The following BTRC variants were observed in gnomAD, a reference collection of about 807,000 sequenced individuals.
BTRC encodes the protein F-box/WD repeat-containing protein 1A.
In BTRC, 42 loss-of-function variants were observed where a neutral mutation model predicts 85.5. The observed-to-expected ratio is 0.49, with a 90% CI of 0.38 to 0.64. The LOEUF (loss-of-function observed/expected upper bound fraction) is 0.64. BTRC is among the 30% of genes least tolerant of loss of function. The pLI, the probability that BTRC is intolerant of heterozygous loss-of-function variation, is 0.00. For synonymous variants in BTRC, 255 were observed against 263.3 expected, an observed-to-expected ratio of 0.97 and a Z score of 0.30; for missense variants, 594 against 743.5, an observed-to-expected ratio of 0.80 and a Z score of 2.34.
At chr10:101,378,286 T>G (rs1192832663) in intron 1 of BTRC, among the ~76,000 whole-genome samples, 1 of 152,176 alleles carries the variant, frequency 6.6e-6, no homozygotes, top group African/African-American at 2.4e-5. Context: ...GTTATTAGCT[T>G]GAGGTTAAAT....
chr10:101,508,675 G>A (rs1444328789), intron 4 of BTRC, among the ~76,000 whole-genome samples: 1 of 152,100 alleles, frequency 6.6e-6, no homozygotes, highest in East Asian at 1.9e-4. Context: ...AGCACTTTGG[G>A]AGGCCGAGGC....
chr10:101,467,208 A>C (rs952230897), intron 3 of BTRC, among the ~76,000 whole-genome samples: 6 of 151,966 alleles, frequency 3.9e-5, no homozygotes, highest in Admixed American at 2.0e-4. Context: ...AAAAAAAAAA[A>C]ACACAGAATT....
chr10:101,506,279 A>G (rs960980537), intron 4 of BTRC, among the ~76,000 whole-genome samples: 1 of 152,186 alleles, frequency 6.6e-6, no homozygotes, highest in Admixed American at 6.5e-5. Flanking sequence ...TGAAGCATGA[A>G]GCCATCAGCT....
intron 4 of BTRC, 134 bp from the exon 5 acceptor site, chr10:101,521,505 C>A: frequency 1.5e-6 from 1 of 652,902 alleles, no homozygotes; most frequent in Non-Finnish European, 2.6e-6. Flanking sequence ...TGGTTTTCCA[C>A]GTAATTGCTA....
intron 4 of BTRC, among the ~76,000 whole-genome samples, chr10:101,514,515 C>CAA (rs2061997345): frequency 6.6e-6 from 1 of 151,396 alleles, no homozygotes; most frequent in Non-Finnish European, 1.5e-5. Context: ...TGCAGTAGCA[C>CAA]AATCTAGGCT....
chr10:101,532,363 C>T lies in BTRC; in HGVS notation c.909C>T (p.Ser303=). The T allele has an allele frequency of 6.2e-7, 1 of 1,613,418 alleles. No homozygotes were observed. Among genetic ancestry groups the T allele is most frequent in the Non-Finnish European group, 8.5e-7 (1 of 1,179,796 alleles). ...GAATTCACTGCCGAAGTGAAACAAG[C>T]AAAGGAGTTTACTGTTTACAGTATG... ...LQRIHCRSET[S]KGVYCLQYDD... The change falls in exon 8 of 15, where the codon AGC becomes AGT. Residue 303 remains serine (S), a synonymous_variant. Transcript: ENST00000370187.
intron 1 of BTRC, among the ~76,000 whole-genome samples, chr10:101,374,514 C>T (rs1170901193): frequency 6.7e-6 from 1 of 148,494 alleles, no homozygotes; most frequent in Non-Finnish European, 1.5e-5. Flanking sequence ...TCATCATTCT[C>T]AGTAAACTAT....
At chr10:101,471,059 C>G (rs1945511152) in intron 3 of BTRC, among the ~76,000 whole-genome samples, 1 of 152,158 alleles carries the variant, frequency 6.6e-6, no homozygotes, top group Non-Finnish European at 1.5e-5. Context: ...TGATAGGTGT[C>G]TATCCTTGCA....
intron 4 of BTRC, among the ~76,000 whole-genome samples, chr10:101,479,752 A>G (rs1248144475): frequency 2.0e-5 from 3 of 152,206 alleles, no homozygotes; most frequent in Non-Finnish European, 4.4e-5. Context: ...ATAATGTACA[A>G]TTGTTTTGAT....
chr10:101,356,519 T>C (rs1228785154), intron 1 of BTRC, among the ~76,000 whole-genome samples: 2 of 152,226 alleles, frequency 1.3e-5, no homozygotes, highest in Non-Finnish European at 2.9e-5. Flanking sequence ...GATGACCATA[T>C]AGTAGTTGCA....
In BTRC at chr10:101,550,928, G is replaced by A. The variant is rs772050784; in HGVS notation, c.*31+37G>A. On this transcript the variant is annotated intron_variant, in intron 14 of 14. Transcript: ENST00000370187. ...GATTATGTACATAACACTGTGGGTA[G>A]GAGACGGGATATTAGCTGTAAGGTG... The A allele has an allele frequency of 4.4e-5, 66 of 1,510,452 alleles. No homozygotes were observed. Among genetic ancestry groups the A allele is most frequent in the Non-Finnish European group, 5.6e-5 (62 of 1,108,766 alleles). 93.6% of individuals were successfully genotyped at this position (1,510,452 alleles called of 1,614,324 possible).
In BTRC at chr10:101,492,167, A is replaced by G. The variant is rs74153209; in HGVS notation, c.324+12710A>G. Among the ~76,000 whole-genome samples the G allele has an allele frequency of 4.4e-3, 674 of 152,306 alleles. 9 individuals carry two copies. The highest frequency in any genetic ancestry group is 0.015 in the African/African-American group (641 of 41,570). On this transcript the variant is annotated intron_variant, in intron 4 of 14. Transcript: ENST00000370187. ...ACATAAATTTATGTTTTATACCTCA[A>G]ACATCACTTCTCTAATTTAATCCAC...
At chr10:101,458,454 C>G (rs932679018) in intron 2 of BTRC, among the ~76,000 whole-genome samples, 1 of 152,068 alleles carries the variant, frequency 6.6e-6, no homozygotes, top group Non-Finnish European at 1.5e-5. Flanking sequence ...TTTGTCAAAA[C>G]TTACAGAGCT....
chr10:101,407,160 C>T (rs1364949219), intron 1 of BTRC, among the ~76,000 whole-genome samples: 1 of 152,146 alleles, frequency 6.6e-6, no homozygotes, highest in East Asian at 1.9e-4. Flanking sequence ...GAGTATGAGA[C>T]CTGCCTGGGT....
chr10:101,416,803 G>T (rs993782195), intron 1 of BTRC, among the ~76,000 whole-genome samples: 1 of 152,102 alleles, frequency 6.6e-6, no homozygotes, highest in Middle Eastern at 3.4e-3. Context: ...TAAAGTTTTG[G>T]CTGTATTAGT....
At chr10:101,404,674 G>A (rs1056155324) in intron 1 of BTRC, among the ~76,000 whole-genome samples, 1 of 152,070 alleles carries the variant, frequency 6.6e-6, no homozygotes, top group Non-Finnish European at 1.5e-5. Flanking sequence ...GTGGAATCTG[G>A]ATGATAGTCC....
chr10:101,467,551 T>A (rs1391694771), intron 3 of BTRC, among the ~76,000 whole-genome samples: 1 of 152,154 alleles, frequency 6.6e-6, no homozygotes, highest in Non-Finnish European at 1.5e-5. Flanking sequence ...TATGACAAAC[T>A]ATGCTTAAGG....
rs149595118 is a variant in BTRC at position 101,512,263 on chromosome 10, T to C, written c.325-9376T>C. Among the ~76,000 whole-genome samples, 16 of 152,364 alleles carry C rather than the reference T, an allele frequency of 1.1e-4. No individual in the cohort carries two copies. In the East Asian group the frequency reaches 2.9e-3, roughly 28 times the overall value. The stretch of plus-strand genomic sequence containing the variant: ...ATTTTATTCTTAAATTAATTCAGCA[T>C]TTAATCATTATATCCCCTTTCCCCC... On this transcript the variant is annotated intron_variant, in intron 4 of 14. Coordinates refer to ENST00000370187, the MANE Select transcript of BTRC (RefSeq NM_033637.4).
chr10:101,545,318 A>C (rs1267561226), intron 13 of BTRC, among the ~76,000 whole-genome samples: 1 of 152,218 alleles, frequency 6.6e-6, no homozygotes, highest in East Asian at 1.9e-4. Context: ...TTGAAGAAGA[A>C]GGCTAAACTT....
Sources: gnomAD v4.1 joint callset for allele counts (sites outside exome capture counted in the v4.1 genomes callset) on GRCh38, gnomAD v4.1.1 for gene constraint, MANE v1.5 for transcripts, NCBI Gene and HGNC (gene_info 2026-07-23, HGNC 2026-07-21) for gene names.